Variants in LTK observed in about 807,000 individuals in gnomAD.
The protein encoded by LTK is leukocyte tyrosine kinase receptor.
A neutral mutation model predicts 101.5 loss-of-function variants in LTK; 117 were observed. The ratio of observed to expected loss-of-function variants is 1.15; its 90% CI spans 0.99 to 1.34. The LOEUF (loss-of-function observed/expected upper bound fraction) is 1.34. Among genes scored for constraint, LTK ranks in the 40% most tolerant of loss-of-function variants. The pLI is 0.00. For synonymous variants in LTK, 563 were observed against 494.2 expected (o/e 1.14, Z -1.85); for missense variants, 1,252 against 1,164.7 (o/e 1.07, Z -1.09).
intron 7 of LTK, among the ~76,000 whole-genome samples, chr15:41,509,737 T>C (rs1253388479): frequency 1.3e-5 from 2 of 151,808 alleles, no homozygotes; most frequent in Non-Finnish European, 2.9e-5. Context: ...CGCATGCCTA[T>C]AATCCCAGCT....
Position 41,504,458 on chromosome 15 carries a change from C to A in LTK, c.2256-26G>T, listed in dbSNP as rs754924928. The A allele has an allele frequency of 3.7e-6, 6 of 1,613,920 alleles. No homozygotes were observed. In the South Asian group the frequency reaches 6.6e-5, roughly 18 times the overall value. On this transcript the variant is annotated intron_variant, in intron 18 of 19. Coordinates refer to ENST00000263800, the MANE Select transcript of LTK (RefSeq NM_002344.6). Reference sequence around the variant, plus strand: ...CTGGGGAGAGGCAGGAGTTCATGCCCACCCATGGTTGTGAAGGACCTCCCT... The same window carrying A: ...CTGGGGAGAGGCAGGAGTTCATGCCAACCCATGGTTGTGAAGGACCTCCCT...
chr15:41,510,057 A>C lies in LTK; in HGVS notation c.998-928T>G, dbSNP rs533011504. ...AGTCTTGCTCTGTCACCCAGGCTGG[A>C]GTGCAGTGGCACGATCTTGGCTCAC... On this transcript the variant is annotated intron_variant, in intron 7 of 19. Coordinates refer to ENST00000263800, the MANE Select transcript of LTK (RefSeq NM_002344.6). Among the ~76,000 whole-genome samples, 11 of 151,786 alleles carry C rather than the reference A, an allele frequency of 7.2e-5. No individual in the cohort carries two copies. In the East Asian group the frequency reaches 2.2e-3, roughly 30 times the overall value.
chr15:41,512,976 C>A lies in LTK; in HGVS notation c.187+1G>T. On this transcript the variant is annotated splice_donor_variant, in intron 2 of 19. Coordinates refer to ENST00000263800, the MANE Select transcript of LTK (RefSeq NM_002344.6). LOFTEE classifies it high-confidence loss of function. The stretch of plus-strand genomic sequence containing the variant: ...AGAGGAAGGAGGCGTCTAAAGCTCA[C>A]CCGGAGAATTCAGCGGGGAGGCTGG... The A allele has an allele frequency of 1.9e-6, 3 of 1,613,674 alleles. No individual in the cohort carries two copies. The highest frequency in any genetic ancestry group is 2.2e-5 in the East Asian group (1 of 44,864).
rs998250221 is a variant in LTK at position 41,511,772 on chromosome 15, G to A, written c.657+45C>T. On this transcript the variant is annotated intron_variant, in intron 5 of 19. Coordinates refer to ENST00000263800, the MANE Select transcript of LTK (RefSeq NM_002344.6). This position sits in a 1 kb window ranked among gnomAD's most constrained non-coding sequence, Gnocchi z 5.9. ...GAGCCGGTGCGTGAGCGCCCCTGGG[G>A]AGAGGATTGGGACCCCAACGCTGAG... 1 of 1,473,952 alleles carries A rather than the reference G, an allele frequency of 6.8e-7. No individual in the cohort carries two copies. The highest frequency in any genetic ancestry group is 8.9e-7 in the Non-Finnish European group (1 of 1,124,564). The allele number at this position is 1,473,952 out of a possible 1,614,324, so 91.3% of individuals were successfully genotyped here.
rs1257640883 is a variant in LTK at position 41,513,134 on chromosome 15, G to T, written c.44-14C>A. The T allele has an allele frequency of 6.3e-7, 1 of 1,584,818 alleles. No individual in the cohort carries two copies. ...AGAGAATGGCGCCTGAAAGGTGTTG[G>T]GAGAAGGCGCAGGACGTTAAGGCGG... On this transcript the variant is annotated splice_polypyrimidine_tract_variant and intron_variant, in intron 1 of 19. Coordinates refer to ENST00000263800, the MANE Select transcript of LTK (RefSeq NM_002344.6).
rs1652318631 is a variant in LTK at position 41,503,740 on chromosome 15, C to T, written c.*256G>A. 4.6e-6 allele frequency: 3 copies of T among 650,042 alleles called. No homozygotes were observed. The highest frequency in any genetic ancestry group is 5.7e-6 in the Non-Finnish European group (2 of 352,936). 40.3% of individuals were successfully genotyped at this position (650,042 alleles called of 1,614,324 possible). ...AGAGCAATCCAGTGCTCCCCATGGACACCTGGGGTGTGTGTAAGGCGGCCT... is the reference window on the plus strand; with the variant it reads ...AGAGCAATCCAGTGCTCCCCATGGATACCTGGGGTGTGTGTAAGGCGGCCT... On this transcript the variant is annotated 3_prime_UTR_variant, in exon 20 of 20. Coordinates refer to ENST00000263800, the MANE Select transcript of LTK (RefSeq NM_002344.6).
chr15:41,511,238 C>T lies in LTK; in HGVS notation c.923G>A (p.Gly308Asp). Residue 308 changes from glycine (G) to aspartate (D), a missense_variant, in exon 7 of 20, where the codon GGC becomes GAC. Physicochemically the swap from Gly to Asp is moderately conservative, Grantham distance 94 (BLOSUM62 -1). Transcript: ENST00000263800. This position sits in a 1 kb window ranked among gnomAD's most constrained non-coding sequence, Gnocchi z 5.9. ...CCCGAAGCCGCCGGCCGCGGCCCAG[C>T]CAAGGGTCGCCCAAGCCTCGGAGCA... ...QGCSEAWATL[G>D]WAAAGGFGGG... 7.0e-7 allele frequency: 1 copy of T among 1,419,080 alleles called. No individual in the cohort carries two copies. Among genetic ancestry groups the T allele is most frequent in the Non-Finnish European group, 9.2e-7 (1 of 1,090,240 alleles). The allele number at this position is 1,419,080 out of a possible 1,614,324, so 87.9% of individuals were successfully genotyped here. A position where few individuals can be genotyped will look rare whatever the true frequency, so the allele number is the denominator to read the frequency against.
Position 41,511,918 on chromosome 15 carries a change from C to T in LTK, c.556G>A (p.Val186Ile). 6.8e-7 allele frequency: 1 copy of T among 1,460,482 alleles called. No individual in the cohort carries two copies. Among genetic ancestry groups the T allele is most frequent in the East Asian group, 2.8e-5 (1 of 36,246 alleles). The allele number at this position is 1,460,482 out of a possible 1,614,324, so 90.5% of individuals were successfully genotyped here. Residue 186 changes from valine to isoleucine, a missense_variant, in exon 5 of 20, where the codon GTT (valine) becomes ATT (isoleucine). Physicochemically the swap from Val to Ile is conservative, Grantham distance 29. Transcript: ENST00000263800. The surrounding 1 kb of genome is among the most constrained non-coding windows in gnomAD (Gnocchi z 5.9). ...QLVCLGESRA[V>I]EEHAAMDGSE... is the part of the protein sequence containing the mutation. The stretch of plus-strand genomic sequence containing the variant: ...CCATCCATCGCCGCGTGCTCTTCAA[C>T]GGCTCGAGACTCCCCGAGGCAGACG...
rs770053745 is a variant in LTK at position 41,505,934 on chromosome 15, G to A, written c.1613C>T (p.Pro538Leu). 10 of 1,613,658 alleles carry A rather than the reference G, an allele frequency of 6.2e-6. No individual in the cohort carries two copies. Among genetic ancestry groups the A allele is most frequent in the Non-Finnish European group, 8.5e-6 (10 of 1,179,774 alleles). Residue 538 changes from proline to leucine, a missense_variant, in exon 12 of 20, where the codon CCC becomes CTC. Pro to Leu is a moderately conservative substitution (Grantham distance 98). Coordinates refer to ENST00000263800, the MANE Select transcript of LTK (RefSeq NM_002344.6). Reference sequence around the variant, plus strand: ...TCTCACCTTGATAGCTACCTGCAGGGGACTGGAGTCCCCAGGAAGGCCAAT... The same window carrying A: ...TCTCACCTTGATAGCTACCTGCAGGAGACTGGAGTCCCCAGGAAGGCCAAT... The part of the protein sequence containing the change: ...LVIGLPGDSS[P>L]LQVAIKTLPE...
In LTK at chr15:41,511,751, C is replaced by A. The variant is rs1595469719; in HGVS notation, c.657+66G>T. The A allele has an allele frequency of 1.4e-6, 2 of 1,450,686 alleles. No homozygotes were observed. The highest frequency in any genetic ancestry group is 3.2e-5 in the Admixed American group (1 of 31,462). The allele number at this position is 1,450,686 out of a possible 1,614,324, so 89.9% of individuals were successfully genotyped here. ...GGACCCCAAGGGACGGACGGAGAGC[C>A]GGTGCGTGAGCGCCCCTGGGGAGAG... On this transcript the variant is annotated intron_variant, in intron 5 of 19. Transcript: ENST00000263800. The surrounding 1 kb of genome is among the most constrained non-coding windows in gnomAD (Gnocchi z 5.9).
chr15:41,512,097 C>T lies in LTK; in HGVS notation c.510+18G>A, dbSNP rs1418746630. The T allele has an allele frequency of 1.9e-6, 3 of 1,580,074 alleles. No homozygotes were observed. The highest frequency in any genetic ancestry group is 2.3e-5 in the East Asian group (1 of 43,452). On this transcript the variant is annotated intron_variant, in intron 4 of 19. Transcript: ENST00000263800. ...CCCCCGGCGCCGGCGCCGCCCCATC[C>T]CCACTGGCTGCGCTCACTCCGGGAC...
chr15:41,512,467 T>C (rs1661780969), intron 3 of LTK, among the ~76,000 whole-genome samples: 1 of 152,130 alleles, frequency 6.6e-6, no homozygotes, highest in African/African-American at 2.4e-5. Flanking sequence ...TTCGTGGAAA[T>C]GTGGGGAGGC....
At chr15:41,509,685 C>A (rs1013708733) in intron 7 of LTK, among the ~76,000 whole-genome samples, 1 of 151,920 alleles carries the variant, frequency 6.6e-6, no homozygotes, top group Admixed American at 6.6e-5. Flanking sequence ...ATGGTGAAAC[C>A]CCATCTCTAC....
At chr15:41,509,632 G>C (rs1395242157) in intron 7 of LTK, among the ~76,000 whole-genome samples, 1 of 152,118 alleles carries the variant, frequency 6.6e-6, no homozygotes, top group Non-Finnish European at 1.5e-5. Flanking sequence ...AGGCCGACAT[G>C]GGCGGATTAC....
chr15:41,505,381 G>GC lies in LTK; in HGVS notation c.1827+19_1827+20insG, dbSNP rs752032799. The GC allele has an allele frequency of 8.1e-6, 13 of 1,613,464 alleles. No homozygotes were observed. In the Admixed American group the frequency reaches 1.2e-4, roughly 15 times the overall value. ...CAGGGTCTTTAGAGGGGCCTGGGGG[G>GC]GCTAAGACAAGGGTCTCACCAGGTG... On this transcript the variant is annotated intron_variant, in intron 14 of 19. Coordinates refer to ENST00000263800, the MANE Select transcript of LTK (RefSeq NM_002344.6).
At position 41,512,123 on chromosome 15, in the gene LTK, A is replaced by G; in HGVS notation, c.502T>C (p.Cys168Arg). 1 of 1,607,830 alleles carries G rather than the reference A, an allele frequency of 6.2e-7. No homozygotes were observed. Among genetic ancestry groups the G allele is most frequent in the Non-Finnish European group, 8.5e-7 (1 of 1,177,424 alleles). Residue 168 changes from cysteine (C) to arginine (R), a missense_variant, in exon 4 of 20, where the codon TGT (cysteine) becomes CGT (arginine). Coordinates refer to ENST00000263800, the MANE Select transcript of LTK (RefSeq NM_002344.6). ...ILVGQQGEDA[C>R]PGGSPESQLV... ...CCACTGGCTGCGCTCACTCCGGGAC[A>G]GGCGTCCTCTCCCTGCTGCCCCACC...
chr15:41,507,968 C>G, intron 9 of LTK, 101 bp downstream of exon 9: 1 of 1,308,102 alleles, frequency 7.6e-7, no homozygotes, highest in Non-Finnish European at 1.0e-6. Flanking sequence ...ACCACAGGGC[C>G]TGGCACACAG....
chr15:41,513,196 A>G, intron 1 of LTK, 76 bp from the exon 2 acceptor site: 1 of 1,483,658 alleles, frequency 6.7e-7, no homozygotes, highest in East Asian at 2.5e-5. Context: ...AGAACCCCGC[A>G]ACAGCTGCCC....
At chr15:41,505,140 G>T in intron 15 of LTK, 68 bp downstream of exon 15, 1 of 1,583,816 alleles carries the variant, frequency 6.3e-7, no homozygotes, top group Non-Finnish European at 8.6e-7. Flanking sequence ...CTTAAAAGCT[G>T]TGTGGAAGGG....
Sources: allele counts gnomAD v4.1 joint callset (sites outside exome capture counted in the v4.1 genomes callset), GRCh38; gene constraint gnomAD v4.1.1; non-coding constraint Gnocchi (gnomAD v3.1); transcripts MANE v1.5; gene names NCBI Gene and HGNC (gene_info 2026-07-23, HGNC 2026-07-21).